The following MCU variants were observed in gnomAD, a reference collection of about 807,000 sequenced individuals.
MCU encodes mitochondrial calcium uniporter, also known as calcium uniporter protein, mitochondrial.
Under a neutral mutation model 45.2 loss-of-function variants are expected in MCU, and 12 were observed. The ratio of observed to expected loss-of-function variants is 0.27; its 90% confidence interval spans 0.17 to 0.43. The LOEUF (loss-of-function observed/expected upper bound fraction) is 0.43. MCU is among the 20% of genes least tolerant of loss of function. MCU has a pLI of 1.00. For missense variants in MCU, 324 were observed against 436.7 expected (o/e 0.74, Z 2.30); for synonymous variants, 160 against 165.1 (o/e 0.97, Z 0.24).
intron 1 of MCU, among the ~76,000 whole-genome samples, chr10:72,819,655 A>T (rs1239873058): frequency 6.6e-6 from 1 of 151,570 alleles, no homozygotes; most frequent in Non-Finnish European, 1.5e-5. Context: ...TCTATGTAGA[A>T]GTGAAAGAAT....
At chr10:72,868,551 C>T in intron 4 of MCU, 152 bp from the exon 5 acceptor site, 1 of 488,772 alleles carries the variant, frequency 2.0e-6, no homozygotes, top group African/African-American at 2.7e-5. Context: ...GACTTTGTCT[C>T]AAAAAAAAAA....
chr10:72,850,951 A>G (rs1304587491), intron 2 of MCU, among the ~76,000 whole-genome samples: 1 of 152,204 alleles, frequency 6.6e-6, no homozygotes, highest in Non-Finnish European at 1.5e-5. Flanking sequence ...GCTTATGAAT[A>G]CCCATTGTGA....
intron 4 of MCU, 112 bp from the exon 5 acceptor site, chr10:72,868,591 T>A: frequency 2.1e-6 from 2 of 935,040 alleles, no homozygotes; most frequent in Non-Finnish European, 3.2e-6. Flanking sequence ...TTCCTTCAGT[T>A]TAACACTGAA....
At chr10:72,800,819 A>AT (rs1305341699) in intron 1 of MCU, among the ~76,000 whole-genome samples, 1 of 152,196 alleles carries the variant, frequency 6.6e-6, no homozygotes, top group African/African-American at 2.4e-5. Flanking sequence ...GTGTTGGATT[A>AT]TTTTTTAAAT....
chr10:72,859,082 A>G (rs538704709), intron 2 of MCU, 95 bp from the exon 3 acceptor site: 2 of 1,186,440 alleles, frequency 1.7e-6, no homozygotes, highest in Admixed American at 2.6e-5. Flanking sequence ...TTTAAATCAC[A>G]CTAATAATAG....
chr10:72,875,000 A>G (rs1845597466), intron 6 of MCU, among the ~76,000 whole-genome samples: 1 of 152,198 alleles, frequency 6.6e-6, no homozygotes, highest in Non-Finnish European at 1.5e-5. Context: ...ATCTAGTAAC[A>G]TAAGTACATC....
chr10:72,763,573 G>C (rs1406229871), intron 1 of MCU, among the ~76,000 whole-genome samples: 1 of 152,158 alleles, frequency 6.6e-6, no homozygotes, highest in African/African-American at 2.4e-5. Flanking sequence ...TTGGGGATGA[G>C]TAGGGATGGA....
chr10:72,871,608 A>G, intron 6 of MCU, 28 bp downstream of exon 6: 7 of 1,570,512 alleles, frequency 4.5e-6, no homozygotes, highest in Non-Finnish European at 6.1e-6. Context: ...GTAACTTTTT[A>G]TGAGATAGTA....
At chr10:72,849,163 C>T (rs1845168017) in intron 2 of MCU, among the ~76,000 whole-genome samples, 1 of 151,678 alleles carries the variant, frequency 6.6e-6, no homozygotes, top group South Asian at 2.1e-4. Context: ...CACCTGTAAT[C>T]CCAGCTACTC....
At chr10:72,838,772 C>A (rs1344183965) in intron 2 of MCU, among the ~76,000 whole-genome samples, 1 of 152,094 alleles carries the variant, frequency 6.6e-6, no homozygotes, top group East Asian at 1.9e-4. Context: ...CTGAAAATTC[C>A]TGTTTAATTA....
chr10:72,800,002 T>A lies in MCU; in HGVS notation c.151-34357T>A, dbSNP rs1844314625. ...TAATTCAAAAATCCAAAATCTGAAA[T>A]GCTCCAAAATCCAAAACTTCTTGAG... is the stretch of plus-strand genomic sequence containing the variant. On this transcript the variant is annotated intron_variant, in intron 1 of 7. Transcript: ENST00000373053. Among the ~76,000 whole-genome samples, 6 of 152,334 alleles carry A rather than the reference T, an allele frequency of 3.9e-5. No homozygotes were observed. The South Asian group carries it at 1.2e-3, about 32-fold the overall frequency.
chr10:72,826,989 G>T (rs1844808185), intron 1 of MCU, among the ~76,000 whole-genome samples: 1 of 152,028 alleles, frequency 6.6e-6, no homozygotes, highest in African/African-American at 2.4e-5. Context: ...ATCTCTTACT[G>T]TGCCTAATTT....
chr10:72,880,962 T>TA (rs971921722), intron 6 of MCU, among the ~76,000 whole-genome samples: 3 of 152,086 alleles, frequency 2.0e-5, no homozygotes, highest in African/African-American at 7.2e-5. Context: ...ACCCAATAGC[T>TA]AAAAAAATTT....
At chr10:72,872,068 G>A (rs1845550277) in intron 6 of MCU, among the ~76,000 whole-genome samples, 1 of 152,108 alleles carries the variant, frequency 6.6e-6, no homozygotes, top group Non-Finnish European at 1.5e-5. Flanking sequence ...TGTTGTTGTT[G>A]TTGTTTCCAT....
intron 2 of MCU, among the ~76,000 whole-genome samples, chr10:72,841,859 C>G (rs573320744): frequency 6.6e-6 from 1 of 152,246 alleles, no homozygotes; most frequent in Middle Eastern, 3.4e-3. Flanking sequence ...TAAAATCTTC[C>G]TTTGCTTGAT....
rs941911339 is a variant in MCU, at chr10:72,821,688, C to A, written c.151-12671C>A. Reference sequence around the variant, plus strand: ...TACAAGGATAGAATATCTCTCTAGGCTGTGAGGAAACAAAGTTAAGCCCTT... The same window carrying A: ...TACAAGGATAGAATATCTCTCTAGGATGTGAGGAAACAAAGTTAAGCCCTT... On this transcript the variant is annotated intron_variant, in intron 1 of 7. Transcript: ENST00000373053. 5.1e-4 allele frequency among the ~76,000 whole-genome samples: 77 copies of A among 152,256 alleles called. 1 individual carries two copies. Among genetic ancestry groups the A allele is most frequent in the African/African-American group, 1.6e-3 (68 of 41,564 alleles).
At chr10:72,804,073 TAA>T (rs1179987565) in intron 1 of MCU, among the ~76,000 whole-genome samples, 14 of 59,752 alleles carry the variant, frequency 2.3e-4, no homozygotes, top group African/African-American at 6.4e-4. Context: ...TATATATATA[TAA>T]AATAAGAGTG....
intron 2 of MCU, among the ~76,000 whole-genome samples, chr10:72,841,677 C>T (rs906627497): frequency 9.2e-5 from 14 of 152,188 alleles, no homozygotes; most frequent in African/African-American, 3.1e-4. Context: ...AATGTGCACG[C>T]TTATACTGCC....
intron 1 of MCU, among the ~76,000 whole-genome samples, chr10:72,787,182 G>A (rs1265102641): frequency 1.3e-5 from 2 of 152,112 alleles, no homozygotes; most frequent in African/African-American, 2.4e-5. Flanking sequence ...CTATCTCCAC[G>A]AAGCCTTCTC....
Sources: gnomAD v4.1 joint callset for allele counts (sites outside exome capture counted in the v4.1 genomes callset) on GRCh38, gnomAD v4.1.1 for gene constraint, MANE v1.5 for transcripts, NCBI Gene and HGNC (gene_info 2026-07-23, HGNC 2026-07-21) for gene names.